Variants in EPB41L4A observed in about 807,000 individuals in gnomAD.
EPB41L4A encodes erythrocyte membrane protein band 4.1 like 4A.
A neutral mutation model predicts 108.6 loss-of-function variants in EPB41L4A; 100 were observed. That is an observed-to-expected ratio of 0.92 (90% CI 0.78 to 1.09). EPB41L4A has a LOEUF of 1.09. Ranked by LOEUF, EPB41L4A falls within the 50% of genes least tolerant of loss-of-function variation. The pLI, the probability that EPB41L4A is intolerant of heterozygous loss-of-function variation, is 0.00. For synonymous variants in EPB41L4A, 319 were observed against 289.0 expected, an observed-to-expected ratio of 1.10 and a Z score of -1.05; for missense variants, 1,030 against 842.7, an observed-to-expected ratio of 1.22 and a Z score of -2.75.
intron 15 of EPB41L4A, among the ~76,000 whole-genome samples, chr5:112,198,205 G>T (rs1038182041): frequency 6.6e-6 from 1 of 151,912 alleles, no homozygotes; most frequent in Non-Finnish European, 1.5e-5. Context: ...TGGCTAGTTT[G>T]TATTTTTAGT....
intron 1 of EPB41L4A, among the ~76,000 whole-genome samples, chr5:112,372,352 T>C (rs1759547793): frequency 6.6e-6 from 1 of 152,158 alleles, no homozygotes; most frequent in African/African-American, 2.4e-5. Flanking sequence ...ACCGCCCCCA[T>C]GATCCAATCA....
At chr5:112,175,493 C>T (rs1169049260) in intron 18 of EPB41L4A, 1 of 152,112 alleles carries the variant, frequency 6.6e-6, no homozygotes, top group African/African-American at 2.4e-5. Flanking sequence ...GATTTTCTAG[C>T]TATTTGTTGC....
Position 112,279,277 on chromosome 5 carries a change from T to C in EPB41L4A, c.256+995A>G, listed in dbSNP as rs79069451. On this transcript the variant is annotated intron_variant, in intron 3 of 22. Transcript: ENST00000261486. ...TTGCAGTCCAGGTTTCCAGTTCCTT[T>C]TGGAAGCAGAGCTACATTCCTGCCC... Among the ~76,000 whole-genome samples, 20 of 152,210 alleles carry C rather than the reference T, an allele frequency of 1.3e-4. No individual in the cohort carries two copies. The East Asian group carries it at 3.1e-3, about 24-fold the overall frequency.
At chr5:112,177,314 G>C (rs372686077) in intron 18 of EPB41L4A, among the ~76,000 whole-genome samples, 1 of 152,270 alleles carries the variant, frequency 6.6e-6, no homozygotes, top group Non-Finnish European at 1.5e-5. Context: ...ACAGCAGGTT[G>C]AGTCCGTTTC....
chr5:112,318,188 CT>C (rs147187863), intron 1 of EPB41L4A, among the ~76,000 whole-genome samples: 1 of 152,112 alleles, frequency 6.6e-6, no homozygotes, highest in Non-Finnish European at 1.5e-5. Flanking sequence ...CTTGCCTTCT[CT>C]TTTTTTCCTA....
At chr5:112,374,359 GA>G (rs1156696627) in intron 1 of EPB41L4A, among the ~76,000 whole-genome samples, 1 of 152,156 alleles carries the variant, frequency 6.6e-6, no homozygotes, top group Non-Finnish European at 1.5e-5. Flanking sequence ...CAAAGCTGTA[GA>G]TCAAAAAGAA....
chr5:112,286,464 C>G (rs566449071), intron 2 of EPB41L4A, among the ~76,000 whole-genome samples: 1 of 152,294 alleles, frequency 6.6e-6, no homozygotes, highest in East Asian at 1.9e-4. Flanking sequence ...GACACTTTCT[C>G]CTCTGTCCTT....
In EPB41L4A at chr5:112,164,886, T is replaced by A; in HGVS notation, c.*104A>T. 6 of 1,075,296 alleles carry A rather than the reference T, an allele frequency of 5.6e-6. No homozygotes were observed. The South Asian group carries it at 6.7e-5, about 12-fold the overall frequency. The allele number at this position is 1,075,296 out of a possible 1,614,324, so 66.6% of individuals were successfully genotyped here. The stretch of plus-strand genomic sequence containing the variant: ...AATGTATTTTCTCATGCTGAAGAAA[T>A]ACTTGCAGGTCTGAGATTTGAATTA... On this transcript the variant is annotated 3_prime_UTR_variant, in exon 23 of 23. Transcript: ENST00000261486.
chr5:112,271,981 G>T (rs1187529172), intron 4 of EPB41L4A, among the ~76,000 whole-genome samples: 1 of 152,026 alleles, frequency 6.6e-6, no homozygotes, highest in Non-Finnish European at 1.5e-5. Context: ...CCAAGTTGAT[G>T]ATTCTATTAA....
chr5:112,159,462 C>G (rs1759770418), downstream of EPB41L4A, among the ~76,000 whole-genome samples: 1 of 152,210 alleles, frequency 6.6e-6, no homozygotes, highest in Non-Finnish European at 1.5e-5. Flanking sequence ...AATTAACAAA[C>G]TCTGCTTAAT....
At chr5:112,381,568 G>A (rs983993571) in intron 1 of EPB41L4A, among the ~76,000 whole-genome samples, 1 of 152,200 alleles carries the variant, frequency 6.6e-6, no homozygotes, top group South Asian at 2.1e-4. Flanking sequence ...ACAATTTTCT[G>A]GAAGCATATT....
At chr5:112,195,534 C>G (rs762385715) in intron 16 of EPB41L4A, 127 bp downstream of exon 16, 1 of 754,198 alleles carries the variant, frequency 1.3e-6, no homozygotes, top group East Asian at 2.7e-5. Context: ...CAGCTGAAGA[C>G]AAACTGGCTT....
intron 6 of EPB41L4A, among the ~76,000 whole-genome samples, chr5:112,262,842 A>C (rs1751589773): frequency 6.6e-6 from 1 of 152,204 alleles, no homozygotes; most frequent in African/African-American, 2.4e-5. Flanking sequence ...TATATTAAAA[A>C]TTCTCAGTTT....
chr5:112,294,243 C>G (rs1442770197), intron 2 of EPB41L4A, among the ~76,000 whole-genome samples: 1 of 152,052 alleles, frequency 6.6e-6, no homozygotes, highest in East Asian at 1.9e-4. Context: ...AAATGAACAG[C>G]AGGAGAGGCC....
intron 12 of EPB41L4A, among the ~76,000 whole-genome samples, chr5:112,153,107 T>C (rs924860549): frequency 4.6e-5 from 7 of 151,930 alleles, no homozygotes; most frequent in Non-Finnish European, 1.5e-5. Flanking sequence ...TGGTCCCAGC[T>C]ACTGAGGAGG....
At chr5:112,196,251 T>G (rs1739889474) in intron 15 of EPB41L4A, among the ~76,000 whole-genome samples, 1 of 152,224 alleles carries the variant, frequency 6.6e-6, no homozygotes, top group South Asian at 2.1e-4. Context: ...TTAAAGGTGC[T>G]GGCTCTAGAG....
rs866724798 is a variant in EPB41L4A at position 112,259,155 on chromosome 5, C to T, written c.795+74G>A. The T allele has an allele frequency of 1.5e-5, 18 of 1,165,030 alleles. No individual in the cohort carries two copies. In the Middle Eastern group the frequency reaches 1.2e-3, roughly 76 times the overall value. 72.2% of individuals were successfully genotyped at this position (1,165,030 alleles called of 1,614,324 possible). A position where few individuals can be genotyped will look rare whatever the true frequency, so the allele number is the denominator to read the frequency against. ...AGCAGCTGAAGAAAACATTTCTTCA[C>T]AATGTCTTTTAAGCTACAAATGAAC... On this transcript the variant is annotated intron_variant, in intron 9 of 22. Transcript: ENST00000261486.
intron 18 of EPB41L4A, among the ~76,000 whole-genome samples, 178 bp from the exon 19 acceptor site, chr5:112,171,170 T>A (rs1271750610): frequency 6.6e-6 from 1 of 152,144 alleles, no homozygotes; most frequent in African/African-American, 2.4e-5. Context: ...GCAGCTAAAT[T>A]GCTGCTACTG....
chr5:112,418,695 G>A (rs892469155), intron 1 of EPB41L4A, among the ~76,000 whole-genome samples: 2 of 152,142 alleles, frequency 1.3e-5, no homozygotes, highest in Non-Finnish European at 2.9e-5. Context: ...TTGGGGTGCT[G>A]CTGGGAGCCG....
Sources: gnomAD v4.1 joint callset for allele counts (sites outside exome capture counted in the v4.1 genomes callset) on GRCh38, gnomAD v4.1.1 for gene constraint, MANE v1.5 for transcripts, NCBI Gene and HGNC (gene_info 2026-07-23, HGNC 2026-07-21) for gene names.